Variants in TTPAL observed in about 807,000 individuals in gnomAD.
The protein encoded by TTPAL is alpha tocopherol transfer protein like.
TTPAL carries 21 observed loss-of-function variants against 28.7 expected under a neutral mutation model. The observed-to-expected ratio is 0.73, with a 90% CI of 0.52 to 1.06. The LOEUF (loss-of-function observed/expected upper bound fraction) is 1.06. Among genes scored for constraint, TTPAL ranks in the 50% least tolerant of loss-of-function variants. The pLI, the probability that TTPAL is intolerant of heterozygous loss-of-function variation, is 0.00. For synonymous variants in TTPAL, 169 were observed against 171.9 expected, an observed-to-expected ratio of 0.98 and a Z score of 0.13; for missense variants, 345 against 425.5, an observed-to-expected ratio of 0.81 and a Z score of 1.67.
rs1299862893 is a variant in TTPAL at position 44,475,968 on chromosome 20, C to A, written c.-39C>A. 1 of 152,314 alleles carries A rather than the reference C, an allele frequency of 6.6e-6. No individual in the cohort carries two copies. The highest frequency in any genetic ancestry group is 1.5e-5 in the Non-Finnish European group (1 of 68,098). The allele number at this position is 152,314 out of a possible 1,614,324, so 9.4% of individuals were successfully genotyped here. A position where few individuals can be genotyped will look rare whatever the true frequency, so the allele number is the denominator to read the frequency against. ...ACGAGGCTCCCGCCGCCGATTGACC[C>A]GCGCTCCGCCCGTAGTCGGGCCGGT... On this transcript the variant is annotated 5_prime_UTR_variant, in exon 1 of 5. Coordinates refer to ENST00000262605, the MANE Select transcript of TTPAL (RefSeq NM_001039199.3).
intron 1 of TTPAL, chr20:44,478,504 C>T (rs2064066848): frequency 6.6e-6 from 1 of 152,244 alleles, no homozygotes; most frequent in Non-Finnish European, 1.5e-5. Context: ...TTACGTTTTC[C>T]CAGCAGATCT....
At chr20:44,488,454 A>G (rs2064172787) in intron 4 of TTPAL, among the ~76,000 whole-genome samples, 1 of 152,228 alleles carries the variant, frequency 6.6e-6, no homozygotes, top group African/African-American at 2.4e-5. Flanking sequence ...AGCATGTTCT[A>G]GATGAACAAA....
chr20:44,483,886 G>A (rs2064128580), intron 2 of TTPAL, among the ~76,000 whole-genome samples: 1 of 152,080 alleles, frequency 6.6e-6, no homozygotes, highest in Non-Finnish European at 1.5e-5. Flanking sequence ...TCAACCTCCT[G>A]AGCTCAAGAG....
Position 44,491,213 on chromosome 20 carries a change from A to T in TTPAL, c.*1672A>T, listed in dbSNP as rs1329067138. 3 of 151,688 alleles carry T rather than the reference A, an allele frequency of 2.0e-5. No individual in the cohort carries two copies. The highest frequency in any genetic ancestry group is 7.3e-5 in the African/African-American group (3 of 41,182). 9.4% of individuals were successfully genotyped at this position (151,688 alleles called of 1,614,324 possible). A position where few individuals can be genotyped will look rare whatever the true frequency, so the allele number is the denominator to read the frequency against. ...GAGTTTCTCTCTCTGGTGTGGGTGA[A>T]CCAGTCAGCCTGAATGTTCTGCATT... On this transcript the variant is annotated 3_prime_UTR_variant, in exon 5 of 5. Transcript: ENST00000262605.
At chr20:44,481,239 A>G (rs756593455) in intron 2 of TTPAL, among the ~76,000 whole-genome samples, 19 of 152,160 alleles carry the variant, frequency 1.2e-4, no homozygotes, top group Non-Finnish European at 2.1e-4. Flanking sequence ...CCTGCCACTA[A>G]AAGAGCATTT....
rs983744287 is a variant in TTPAL, at chr20:44,489,482, G to C, written c.970G>C (p.Asp324His). The C allele has an allele frequency of 5.0e-6, 8 of 1,614,120 alleles. No homozygotes were observed. Among genetic ancestry groups the C allele is most frequent in the Non-Finnish European group, 6.8e-6 (8 of 1,180,062 alleles). ...QTLLPEGLTSDAQCDDSLRAV... is the reference protein window; with the variant it reads ...QTLLPEGLTSHAQCDDSLRAV... ...GCTGCTGCCCGAGGGCCTGACCTCA[G>C]ATGCACAGTGTGACGACTCCTTGCG... The change falls in exon 5 of 5, where the codon GAT (aspartate) becomes CAT (histidine). Residue 324 changes from aspartate (D) to histidine (H), a missense_variant. Coordinates refer to ENST00000262605, the MANE Select transcript of TTPAL (RefSeq NM_001039199.3).
At chr20:44,483,349 T>C (rs2064123889) in intron 2 of TTPAL, among the ~76,000 whole-genome samples, 1 of 152,176 alleles carries the variant, frequency 6.6e-6, no homozygotes, top group African/African-American at 2.4e-5. Context: ...TCTTGCCTCA[T>C]GGGGCCCGTG....
intron 4 of TTPAL, among the ~76,000 whole-genome samples, chr20:44,488,934 C>CA: frequency 6.6e-6 from 1 of 152,210 alleles, no homozygotes; most frequent in Middle Eastern, 3.4e-3. Flanking sequence ...TGCAGAGGGA[C>CA]AAGAGTGGGA....
intron 1 of TTPAL, among the ~76,000 whole-genome samples, chr20:44,477,685 C>T (rs1435788470): frequency 3.3e-5 from 5 of 151,598 alleles, no homozygotes; most frequent in Admixed American, 2.6e-4. Context: ...GATAGCGTCT[C>T]GCCCTGTCGC....
chr20:44,488,887 C>G (rs544484091), intron 4 of TTPAL, among the ~76,000 whole-genome samples: 7 of 152,058 alleles, frequency 4.6e-5, no homozygotes, highest in African/African-American at 1.7e-4. Context: ...CATAGAGGCA[C>G]GACTGTGATC....
In TTPAL at chr20:44,487,078, C is replaced by T. The variant is rs1021829397; in HGVS notation, c.750+372C>T. ...GATGGATCACTTGAGGTCAGGAGTTCGAGACCAGCCTGGCCAACATGGTGA... is the reference window on the plus strand; with the variant it reads ...GATGGATCACTTGAGGTCAGGAGTTTGAGACCAGCCTGGCCAACATGGTGA... On this transcript the variant is annotated intron_variant, in intron 4 of 4. Transcript: ENST00000262605. Among the ~76,000 whole-genome samples, 4 of 152,012 alleles carry T rather than the reference C, an allele frequency of 2.6e-5. No individual in the cohort carries two copies. In the South Asian group the frequency reaches 8.3e-4, roughly 32 times the overall value.
In TTPAL at chr20:44,494,580, CAAT is replaced by C. The variant is rs1306215356; in HGVS notation, c.*5042_*5044del. On this transcript the variant is annotated 3_prime_UTR_variant, in exon 5 of 5. Transcript: ENST00000262605. ...TTAGTATGCATGACTCAGTCTGAAA[CAAT>C]AAAAATCTCTGAAAAATGTGCATGG... The C allele has an allele frequency of 6.5e-6, 1 of 152,676 alleles. No homozygotes were observed. The highest frequency in any genetic ancestry group is 2.1e-4 in the South Asian group (1 of 4,830). The allele number at this position is 152,676 out of a possible 1,614,324, so 9.5% of individuals were successfully genotyped here.
rs750831816 is a variant in TTPAL, at chr20:44,489,450, G to C, written c.938G>C (p.Gly313Ala). The C allele has an allele frequency of 1.2e-6, 2 of 1,614,212 alleles. No individual in the cohort carries two copies. The highest frequency in any genetic ancestry group is 4.5e-5 in the East Asian group (2 of 44,882). ...GTTCCTGCCTGTGACAGCATCCTGG[G>C]CCAGACGCTGCTGCCCGAGGGCCTG... is the stretch of plus-strand genomic sequence containing the variant. ...QPVPACDSIL[G>A]QTLLPEGLTS... The change falls in exon 5 of 5, where the codon GGC becomes GCC. Residue 313 changes from glycine (G) to alanine (A), a missense_variant. Gly to Ala is a moderately conservative substitution (Grantham distance 60, BLOSUM62 0). Coordinates refer to ENST00000262605, the MANE Select transcript of TTPAL (RefSeq NM_001039199.3).
chr20:44,478,529 C>T (rs2064067169), intron 1 of TTPAL: 1 of 152,216 alleles, frequency 6.6e-6, no homozygotes, highest in Non-Finnish European at 1.5e-5. Flanking sequence ...GGCACATATT[C>T]CCGACTGCCA....
At chr20:44,478,064 A>T (rs945198800) in intron 1 of TTPAL, among the ~76,000 whole-genome samples, 3 of 152,220 alleles carry the variant, frequency 2.0e-5, no homozygotes, top group Non-Finnish European at 2.9e-5. Context: ...GGTTGCAGAG[A>T]GCTATGATTG....
Position 44,489,634 on chromosome 20 carries a change from T to G in TTPAL, c.*93T>G. Reference sequence around the variant, plus strand: ...TAAGGGTCCATGGATTCAGTCTTGCTCCTTGTAATTAAACTGCAGGATGGA... The same window carrying G: ...TAAGGGTCCATGGATTCAGTCTTGCGCCTTGTAATTAAACTGCAGGATGGA... On this transcript the variant is annotated 3_prime_UTR_variant, in exon 5 of 5. Coordinates refer to ENST00000262605, the MANE Select transcript of TTPAL (RefSeq NM_001039199.3). 1 of 1,355,176 alleles carries G rather than the reference T, an allele frequency of 7.4e-7. No homozygotes were observed. Among genetic ancestry groups the G allele is most frequent in the Non-Finnish European group, 9.9e-7 (1 of 1,013,856 alleles). 83.9% of individuals were successfully genotyped at this position (1,355,176 alleles called of 1,614,324 possible). A position where few individuals can be genotyped will look rare whatever the true frequency, so the allele number is the denominator to read the frequency against.
chr20:44,476,020 C>A (rs1273880851), intron 1 of TTPAL, 29 bp downstream of exon 1: 1 of 152,334 alleles, frequency 6.6e-6, no homozygotes, highest in Non-Finnish European at 1.5e-5. Flanking sequence ...ATCCGTGTGC[C>A]CTGGGAGCTG....
At chr20:44,487,392 GAACAATGGGC>G (rs2064162115) in intron 4 of TTPAL, among the ~76,000 whole-genome samples, 1 of 152,148 alleles carries the variant, frequency 6.6e-6, no homozygotes, top group East Asian at 1.9e-4. Context: ...CCATGGGCTT[GAACAATGGGC>G]TATGGTCTTG....
chr20:44,478,016 G>A (rs1353785740), intron 1 of TTPAL, among the ~76,000 whole-genome samples: 2 of 152,226 alleles, frequency 1.3e-5, no homozygotes, highest in Non-Finnish European at 2.9e-5. Context: ...CTACCTGGGA[G>A]GCTGAGGCAG....
Sources: gnomAD v4.1 joint callset for allele counts (sites outside exome capture counted in the v4.1 genomes callset) on GRCh38, gnomAD v4.1.1 for gene constraint, MANE v1.5 for transcripts, NCBI Gene and HGNC (gene_info 2026-07-23, HGNC 2026-07-21) for gene names.